Variants in EEFSEC observed in about 807,000 individuals in gnomAD.
The protein encoded by EEFSEC is eukaryotic elongation factor, selenocysteine-tRNA specific, also known as selenocysteine-specific elongation factor.
In EEFSEC, 43 loss-of-function variants were observed where a neutral mutation model predicts 42.1. That is an observed-to-expected ratio of 1.02 (90% CI 0.80 to 1.32). The LOEUF (loss-of-function observed/expected upper bound fraction) is 1.32, where lower values mean the gene tolerates loss of function less well. EEFSEC is among the 40% of genes most tolerant of loss of function. The pLI is 0.00. For synonymous variants in EEFSEC, 354 were observed against 339.1 expected (o/e 1.04, Z -0.48); for missense variants, 745 against 803.6 (o/e 0.93, Z 0.88).
chr3:128,213,390 TG>T (rs1333205701), intron 1 of EEFSEC, among the ~76,000 whole-genome samples: 1 of 152,196 alleles, frequency 6.6e-6, no homozygotes, highest in Non-Finnish European at 1.5e-5. Flanking sequence ...TTGGAGGGTG[TG>T]GGTAAGCTGC....
chr3:128,183,917 T>G (rs555344800), intron 1 of EEFSEC, among the ~76,000 whole-genome samples: 3 of 152,208 alleles, frequency 2.0e-5, no homozygotes, highest in Non-Finnish European at 4.4e-5. Context: ...TTAGTGTGAC[T>G]GTGAAAACAT....
At chr3:128,414,836 C>T in the EEFSEC span, among the ~76,000 whole-genome samples, 3 of 152,074 alleles carry the variant, frequency 2.0e-5, no homozygotes, top group Admixed American at 6.5e-5. Context: ...TGCCCAGGCT[C>T]GGGCAAGAGG....
intron 1 of EEFSEC, among the ~76,000 whole-genome samples, chr3:128,177,971 CA>C (rs936990940): frequency 3.9e-5 from 6 of 152,122 alleles, no homozygotes; most frequent in African/African-American, 1.2e-4. Context: ...ATCTGGTTCT[CA>C]AAAAAATGCT....
chr3:128,297,328 T>C (rs1046016511), intron 4 of EEFSEC, among the ~76,000 whole-genome samples: 1 of 152,170 alleles, frequency 6.6e-6, no homozygotes, highest in Admixed American at 6.5e-5. Flanking sequence ...ATGATAACTT[T>C]CGGAGAACTG....
intron 1 of EEFSEC, among the ~76,000 whole-genome samples, chr3:128,159,323 C>T (rs1944438046): frequency 6.6e-6 from 1 of 152,240 alleles, no homozygotes; most frequent in African/African-American, 2.4e-5. Flanking sequence ...CTTCATTTCA[C>T]CTCATGGTCC....
chr3:128,286,665 A>G (rs1397948476), intron 4 of EEFSEC, among the ~76,000 whole-genome samples: 3 of 152,156 alleles, frequency 2.0e-5, no homozygotes, highest in African/African-American at 7.2e-5. Flanking sequence ...CCTGCCCCAG[A>G]CCTGGAATCA....
chr3:128,175,781 T>G (rs974324128), intron 1 of EEFSEC, among the ~76,000 whole-genome samples: 3 of 152,326 alleles, frequency 2.0e-5, no homozygotes, highest in African/African-American at 7.2e-5. Flanking sequence ...GTGAGCCCTC[T>G]AATTAGGCCT....
At chr3:128,422,925 G>A in the EEFSEC span, among the ~76,000 whole-genome samples, 2 of 152,182 alleles carry the variant, frequency 1.3e-5, no homozygotes, top group African/African-American at 4.8e-5. Context: ...CCACCTGCAG[G>A]CTACTAGCCC....
intron 4 of EEFSEC, among the ~76,000 whole-genome samples, chr3:128,277,018 G>A (rs1453004250): frequency 6.6e-6 from 1 of 152,202 alleles, no homozygotes; most frequent in Non-Finnish European, 1.5e-5. Context: ...TCTTCTTGAG[G>A]AAGCAGACCC....
intron 6 of EEFSEC, among the ~76,000 whole-genome samples, chr3:128,362,540 C>T (rs1198982648): frequency 6.6e-6 from 1 of 152,248 alleles, no homozygotes. Context: ...TAGGTGGCCC[C>T]TCTCCCACAG....
chr3:128,341,122 G>C, intron 4 of EEFSEC, 111 bp from the exon 5 acceptor site: 1 of 1,336,022 alleles, frequency 7.5e-7, no homozygotes. Flanking sequence ...TGGTCCTCAC[G>C]GTGCCTGCAG....
the EEFSEC span, among the ~76,000 whole-genome samples, chr3:128,425,608 A>T: frequency 2.0e-5 from 3 of 152,194 alleles, no homozygotes; most frequent in African/African-American, 7.2e-5. Flanking sequence ...CTGACTGGGC[A>T]TTTTACCTTT....
intron 5 of EEFSEC, among the ~76,000 whole-genome samples, chr3:128,350,906 AG>A (rs1202180765): frequency 3.3e-5 from 5 of 152,112 alleles, no homozygotes; most frequent in African/African-American, 7.2e-5. Context: ...CCGTGGGGAA[AG>A]TTTTCTGATG....
At chr3:128,269,748 T>C (rs1383784996) in intron 4 of EEFSEC, among the ~76,000 whole-genome samples, 5 of 152,130 alleles carry the variant, frequency 3.3e-5, no homozygotes, top group Admixed American at 2.6e-4. Flanking sequence ...GAGAAAAAAA[T>C]TCCATTTAGT....
chr3:128,372,736 G>A (rs968675786), intron 6 of EEFSEC, among the ~76,000 whole-genome samples: 1 of 152,212 alleles, frequency 6.6e-6, no homozygotes, highest in African/African-American at 2.4e-5. Context: ...GGCACTATTA[G>A]TAGGTCGTCA....
At chr3:128,369,664 C>T (rs1402728694) in intron 6 of EEFSEC, among the ~76,000 whole-genome samples, 1 of 152,214 alleles carries the variant, frequency 6.6e-6, no homozygotes, top group African/African-American at 2.4e-5. Flanking sequence ...TAGAATGCTA[C>T]CCTTTCTGAA....
chr3:128,387,019 A>G (rs1222367505), intron 6 of EEFSEC, among the ~76,000 whole-genome samples: 1 of 152,226 alleles, frequency 6.6e-6, no homozygotes, highest in Admixed American at 6.5e-5. Flanking sequence ...CTCACCCCTC[A>G]TAGGCCTGGC....
At chr3:128,171,103 G>T (rs1329874212) in intron 1 of EEFSEC, among the ~76,000 whole-genome samples, 2 of 152,156 alleles carry the variant, frequency 1.3e-5, no homozygotes, top group Non-Finnish European at 2.9e-5. Flanking sequence ...TGCCGACTCC[G>T]AACTATTTGG....
intron 1 of EEFSEC, among the ~76,000 whole-genome samples, chr3:128,213,662 G>A (rs1329985440): frequency 6.6e-6 from 1 of 151,904 alleles, no homozygotes; most frequent in Non-Finnish European, 1.5e-5. Flanking sequence ...GGGGAGTGCC[G>A]GGCCACGTGA....
Sources: allele counts gnomAD v4.1 joint callset (sites outside exome capture counted in the v4.1 genomes callset), GRCh38; gene constraint gnomAD v4.1.1; transcripts MANE v1.5; gene names NCBI Gene and HGNC (gene_info 2026-07-23, HGNC 2026-07-21).